RIC3: variants seen among roughly 807,000 people sequenced by gnomAD.
RIC3 encodes RIC3 acetylcholine receptor chaperone.
A neutral mutation model predicts 27.3 loss-of-function variants in RIC3; 28 were observed. The observed-to-expected ratio is 1.02, with a 90% CI of 0.76 to 1.41. The LOEUF (loss-of-function observed/expected upper bound fraction) is 1.41. Ranked by LOEUF, RIC3 falls within the 40% of genes most tolerant of loss-of-function variation. The probability of loss-of-function intolerance (pLI) is 0.00; values close to 1 mark genes in which losing one functional copy is unlikely to be tolerated. For missense variants in RIC3, 501 were observed against 444.7 expected, an observed-to-expected ratio of 1.13 and a Z score of -1.14; for synonymous variants, 184 against 160.4, an observed-to-expected ratio of 1.15 and a Z score of -1.11.
intron 5 of RIC3, among the ~76,000 whole-genome samples, chr11:8,125,221 TC>T (rs146885996): frequency 0.013 from 1,910 of 147,934 alleles, 52 homozygotes; most frequent in African/African-American, 0.045. Context: ...ACCACTGCAC[TC>T]CGGCCTGGGT....
At position 8,108,159 on chromosome 11, in the gene RIC3, G is replaced by A. The variant is rs1008218429; in HGVS notation, c.*2539C>T. 1 of 152,296 alleles carries A rather than the reference G, an allele frequency of 6.6e-6. No homozygotes were observed. Among genetic ancestry groups the A allele is most frequent in the East Asian group, 1.9e-4 (1 of 5,188 alleles). The allele number at this position is 152,296 out of a possible 1,614,324, so 9.4% of individuals were successfully genotyped here. The stretch of plus-strand genomic sequence containing the variant: ...CATAAGGGCTTAGTACTTCTGGCAG[G>A]AATTTCCATAAGCCAATTTTCCCCA... On this transcript the variant is annotated 3_prime_UTR_variant, in exon 6 of 6. Coordinates refer to ENST00000309737, the MANE Select transcript of RIC3 (RefSeq NM_001206671.4).
At chr11:8,154,895 C>G (rs540204225) in intron 1 of RIC3, among the ~76,000 whole-genome samples, 3 of 152,088 alleles carry the variant, frequency 2.0e-5, no homozygotes, top group African/African-American at 7.2e-5. Flanking sequence ...TAAAAGGGAA[C>G]ATGACTAAAT....
At chr11:8,114,025 C>T (rs1457297568) in intron 5 of RIC3, among the ~76,000 whole-genome samples, 1 of 152,158 alleles carries the variant, frequency 6.6e-6, no homozygotes, top group Non-Finnish European at 1.5e-5. Context: ...TGGATCCAGG[C>T]TTCAACCCCA....
At chr11:8,164,972 C>G (rs951503277) in intron 1 of RIC3, among the ~76,000 whole-genome samples, 1 of 152,072 alleles carries the variant, frequency 6.6e-6, no homozygotes, top group Non-Finnish European at 1.5e-5. Flanking sequence ...CCATTTCATT[C>G]CTACTAGGAT....
At chr11:8,160,481 G>A (rs1261437900) in intron 1 of RIC3, among the ~76,000 whole-genome samples, 3 of 152,082 alleles carry the variant, frequency 2.0e-5, no homozygotes, top group African/African-American at 7.2e-5. Flanking sequence ...AGAATTCTTG[G>A]CCAAATTTAA....
Position 8,110,650 on chromosome 11 carries a change from A to C in RIC3, c.*48T>G. The C allele has an allele frequency of 6.5e-7, 1 of 1,532,912 alleles. No homozygotes were observed. The highest frequency in any genetic ancestry group is 9.0e-7 in the Non-Finnish European group (1 of 1,107,266). The allele number at this position is 1,532,912 out of a possible 1,614,324, so 95.0% of individuals were successfully genotyped here. A position where few individuals can be genotyped will look rare whatever the true frequency, so the allele number is the denominator to read the frequency against. On this transcript the variant is annotated 3_prime_UTR_variant, in exon 6 of 6. Coordinates refer to ENST00000309737, the MANE Select transcript of RIC3 (RefSeq NM_001206671.4). The stretch of plus-strand genomic sequence containing the variant: ...GGCCAAGAAGGAAATCTGAGGAGAG[A>C]GAGGTCACCTTGGGACTTGAGTAAT...
chr11:8,107,734 G>A lies in RIC3; in HGVS notation c.*2964C>T, dbSNP rs1944829733. The A allele has an allele frequency of 6.6e-6, 1 of 152,174 alleles. No homozygotes were observed. The highest frequency in any genetic ancestry group is 2.4e-5 in the African/African-American group (1 of 41,422). The allele number at this position is 152,174 out of a possible 1,614,324, so 9.4% of individuals were successfully genotyped here. A position where few individuals can be genotyped will look rare whatever the true frequency, so the allele number is the denominator to read the frequency against. ...TGCTCCTGTTGTGACCAGGAAAGGG[G>A]ATCTCCTGGCTGCACCACCCACCTG... On this transcript the variant is annotated 3_prime_UTR_variant, in exon 6 of 6. Coordinates refer to ENST00000309737, the MANE Select transcript of RIC3 (RefSeq NM_001206671.4).
At chr11:8,101,380 T>G, downstream of RIC3, 2 of 1,407,024 alleles carry the variant, frequency 1.4e-6, no homozygotes, top group Non-Finnish European at 2.0e-6. Flanking sequence ...CATCTCTGCT[T>G]CTCACTTGTT....
At chr11:8,096,082 G>A in the RIC3 span, among the ~76,000 whole-genome samples, 59 of 152,318 alleles carry the variant, frequency 3.9e-4, no homozygotes, top group African/African-American at 1.4e-3. Context: ...CACACATTGT[G>A]AGGAATCTAA....
intron 5 of RIC3, among the ~76,000 whole-genome samples, chr11:8,118,272 C>CA (rs1177541668): frequency 7.2e-6 from 1 of 138,184 alleles, no homozygotes; most frequent in Non-Finnish European, 1.6e-5. Context: ...AAGCAAGCAA[C>CA]AAAAATTCAC....
intron 1 of RIC3, among the ~76,000 whole-genome samples, chr11:8,152,448 T>C (rs555933295): frequency 1.3e-5 from 2 of 152,180 alleles, no homozygotes; most frequent in Non-Finnish European, 2.9e-5. Context: ...ATATTATAAG[T>C]GAATACAGCC....
At chr11:8,142,159 C>A (rs1668425582) in intron 1 of RIC3, among the ~76,000 whole-genome samples, 1 of 141,060 alleles carries the variant, frequency 7.1e-6, no homozygotes, top group African/African-American at 2.8e-5. Context: ...TAGCAGAAGG[C>A]AAGAAATAAC....
At chr11:8,128,290 A>G (rs1947231048) in intron 4 of RIC3, 1 of 457,232 alleles carries the variant, frequency 2.2e-6, no homozygotes, top group South Asian at 1.5e-5. Context: ...GGGCATTCTG[A>G]TCTTCAATGA....
chr11:8,093,932 G>A, the RIC3 span: 837 of 1,255,726 alleles, frequency 6.7e-4, 2 homozygotes, highest in Non-Finnish European at 8.2e-4. Context: ...AGGGGCCCTG[G>A]TGGGACTCGG....
chr11:8,131,889 A>C (rs1397192285), intron 4 of RIC3, among the ~76,000 whole-genome samples: 1 of 131,502 alleles, frequency 7.6e-6, no homozygotes, highest in Admixed American at 8.0e-5. Flanking sequence ...TGACAGAGAG[A>C]GACTCCATCT....
Position 8,110,086 on chromosome 11 carries a change from T to G in RIC3, c.*612A>C. ...GGGCTCATTCTCAGATCAGTGGGAG[T>G]CTTCCCTACTCTGGAGAAAAGAGGA... On this transcript the variant is annotated 3_prime_UTR_variant, in exon 6 of 6. Coordinates refer to ENST00000309737, the MANE Select transcript of RIC3 (RefSeq NM_001206671.4). 6.3e-6 allele frequency: 1 copy of G among 159,334 alleles called. No individual in the cohort carries two copies. Among genetic ancestry groups the G allele is most frequent in the South Asian group, 1.9e-4 (1 of 5,404 alleles). The allele number at this position is 159,334 out of a possible 1,614,324, so 9.9% of individuals were successfully genotyped here.
At chr11:8,122,272 A>C (rs1946541506) in intron 5 of RIC3, among the ~76,000 whole-genome samples, 1 of 152,162 alleles carries the variant, frequency 6.6e-6, no homozygotes, top group Non-Finnish European at 1.5e-5. Context: ...CTTAACTCCT[A>C]GCAACAACTA....
chr11:8,126,682 G>T lies in RIC3; in HGVS notation c.647C>A (p.Ala216Asp), dbSNP rs1323250975. The stretch of plus-strand genomic sequence containing the variant: ...ACCTTCCCAGTCCTCCATGTAAGGG[G>T]CCTCCTCAGCTTCTTTCTCTGGAGA... ...RFSPEKEAEE[A>D]PYMEDWEGYP... is the part of the protein sequence containing the mutation. The change falls in exon 5 of 6, where the codon GCC (alanine) becomes GAC (aspartate). Residue 216 changes from alanine (A) to aspartate (D), a missense_variant. By Grantham distance (126) the Ala-to-Asp change is moderately radical (BLOSUM62 -2). Coordinates refer to ENST00000309737, the MANE Select transcript of RIC3 (RefSeq NM_001206671.4). 1 of 1,614,104 alleles carries T rather than the reference G, an allele frequency of 6.2e-7. No individual in the cohort carries two copies. The highest frequency in any genetic ancestry group is 1.3e-5 in the African/African-American group (1 of 75,038).
chr11:8,157,543 G>C (rs1950777687), intron 1 of RIC3, among the ~76,000 whole-genome samples: 1 of 152,174 alleles, frequency 6.6e-6, no homozygotes, highest in Non-Finnish European at 1.5e-5. Context: ...TGTGTTCCTA[G>C]TGGTCTCCGG....
Sources: allele counts gnomAD v4.1 joint callset (sites outside exome capture counted in the v4.1 genomes callset), GRCh38; gene constraint gnomAD v4.1.1; transcripts MANE v1.5; gene names NCBI Gene and HGNC (gene_info 2026-07-23, HGNC 2026-07-21).